Variants in DYNC1I1 observed in about 807,000 individuals in gnomAD.
DYNC1I1 encodes cytoplasmic dynein 1 intermediate chain 1.
DYNC1I1 carries 43 observed loss-of-function variants against 86.6 expected under a neutral mutation model. That is an observed-to-expected ratio of 0.50 (90% CI 0.39 to 0.64). The LOEUF is 0.64. Ranked by LOEUF, DYNC1I1 falls within the 30% of genes least tolerant of loss-of-function variation. The pLI is 0.00. For missense variants in DYNC1I1, 604 were observed against 788.8 expected, an observed-to-expected ratio of 0.77 and a Z score of 2.81; for synonymous variants, 262 against 283.7, an observed-to-expected ratio of 0.92 and a Z score of 0.77.
intron 4 of DYNC1I1, among the ~76,000 whole-genome samples, chr7:95,813,622 G>A (rs955132531): frequency 6.6e-6 from 1 of 152,086 alleles, no homozygotes; most frequent in Non-Finnish European, 1.5e-5. Context: ...CTTAAAAAAG[G>A]CAGGGAGAAG....
At chr7:95,951,458 GTT>G (rs569806415) in intron 6 of DYNC1I1, among the ~76,000 whole-genome samples, 22 of 152,174 alleles carry the variant, frequency 1.4e-4, no homozygotes, top group African/African-American at 5.1e-4. Flanking sequence ...GCTTTTGAAT[GTT>G]TTTTGGGACC....
intron 16 of DYNC1I1, among the ~76,000 whole-genome samples, chr7:96,107,724 G>A (rs972164073): frequency 6.6e-6 from 1 of 151,738 alleles, no homozygotes; most frequent in Non-Finnish European, 1.5e-5. Context: ...TAGAGACAGG[G>A]TTTCACCATG....
intron 7 of DYNC1I1, among the ~76,000 whole-genome samples, 183 bp from the exon 8 acceptor site, chr7:95,984,632 C>T (rs1793537978): frequency 6.6e-6 from 1 of 152,064 alleles, no homozygotes; most frequent in Admixed American, 6.6e-5. Flanking sequence ...GGGACATCTG[C>T]AGAAGCCTTT....
chr7:95,883,848 G>A (rs990228716), intron 6 of DYNC1I1, among the ~76,000 whole-genome samples: 11 of 151,712 alleles, frequency 7.3e-5, no homozygotes, highest in Non-Finnish European at 1.2e-4. Context: ...TCTCCCCTAA[G>A]GAATAAGAAT....
At chr7:96,039,234 T>C (rs769193885) in intron 13 of DYNC1I1, 43 bp from the exon 14 acceptor site, 28 of 1,576,288 alleles carry the variant, frequency 1.8e-5, no homozygotes, top group Non-Finnish European at 2.4e-5. Flanking sequence ...TCATTGCTTT[T>C]CAGAGGTCAC....
intron 1 of DYNC1I1, among the ~76,000 whole-genome samples, chr7:95,778,435 G>A (rs938977430): frequency 4.6e-5 from 7 of 152,154 alleles, no homozygotes; most frequent in Non-Finnish European, 8.8e-5. Flanking sequence ...GTGTGTTATG[G>A]GTCAGTGTGG....
At chr7:96,103,590 T>C (rs1791168311) in intron 16 of DYNC1I1, among the ~76,000 whole-genome samples, 1 of 152,082 alleles carries the variant, frequency 6.6e-6, no homozygotes, top group Non-Finnish European at 1.5e-5. Flanking sequence ...AAAATCCTTA[T>C]AGTGGCCCAC....
chr7:95,866,296 C>T (rs921839749), intron 5 of DYNC1I1, among the ~76,000 whole-genome samples: 2 of 152,172 alleles, frequency 1.3e-5, no homozygotes, highest in Admixed American at 6.5e-5. Flanking sequence ...CTCAATAATT[C>T]TTTCTCATGC....
intron 6 of DYNC1I1, among the ~76,000 whole-genome samples, chr7:95,971,384 A>C (rs1454665901): frequency 6.6e-6 from 1 of 152,256 alleles, no homozygotes; most frequent in Non-Finnish European, 1.5e-5. Flanking sequence ...TTCTATTAAA[A>C]ATTTAAAAAT....
intron 6 of DYNC1I1, among the ~76,000 whole-genome samples, chr7:95,898,732 G>A (rs552728349): frequency 6.6e-6 from 1 of 152,166 alleles, no homozygotes; most frequent in African/African-American, 2.4e-5. Context: ...CTTTTTGATT[G>A]TGAGTTCATC....
intron 3 of DYNC1I1, among the ~76,000 whole-genome samples, chr7:95,811,810 T>G (rs539326134): frequency 6.6e-6 from 1 of 152,282 alleles, no homozygotes; most frequent in South Asian, 2.1e-4. Flanking sequence ...TGACATCTGA[T>G]ATGAGTTAGA....
chr7:96,079,777 AAG>A (rs746132415), intron 15 of DYNC1I1, among the ~76,000 whole-genome samples: 8 of 151,634 alleles, frequency 5.3e-5, no homozygotes, highest in Non-Finnish European at 7.4e-5. Context: ...AAGAGAGAGA[AAG>A]AGAGAGAGAG....
chr7:96,100,941 G>A (rs1398728706), downstream of DYNC1I1, among the ~76,000 whole-genome samples: 3 of 152,172 alleles, frequency 2.0e-5, no homozygotes, highest in Non-Finnish European at 4.4e-5. Flanking sequence ...AAAGCCATTT[G>A]CAATGAGCTG....
chr7:95,905,215 T>C (rs1791143186), intron 6 of DYNC1I1, among the ~76,000 whole-genome samples: 1 of 141,652 alleles, frequency 7.1e-6, no homozygotes, highest in South Asian at 2.2e-4. Context: ...ACAGACAAGG[T>C]GCATTTTGGC....
chr7:95,879,124 G>T (rs1790384941), intron 6 of DYNC1I1, among the ~76,000 whole-genome samples: 2 of 152,114 alleles, frequency 1.3e-5, no homozygotes. Flanking sequence ...ACTGACCCCA[G>T]AGAGTAATTC....
At chr7:95,968,266 C>T (rs975388448) in intron 6 of DYNC1I1, among the ~76,000 whole-genome samples, 1 of 151,148 alleles carries the variant, frequency 6.6e-6, no homozygotes, top group Non-Finnish European at 1.5e-5. Context: ...ATAGAATTAA[C>T]AATATTTGAT....
At chr7:95,788,186 A>G (rs1794199237) in intron 1 of DYNC1I1, among the ~76,000 whole-genome samples, 1 of 152,158 alleles carries the variant, frequency 6.6e-6, no homozygotes, top group African/African-American at 2.4e-5. Flanking sequence ...GCTGTGTGGG[A>G]ATGGGCTGCA....
intron 6 of DYNC1I1, among the ~76,000 whole-genome samples, chr7:95,921,670 G>A (rs1394633829): frequency 6.6e-6 from 1 of 152,106 alleles, no homozygotes; most frequent in African/African-American, 2.4e-5. Flanking sequence ...GGAGTCAAAT[G>A]TGCACCACAT....
At chr7:95,852,670 C>A (rs1337454674) in intron 5 of DYNC1I1, among the ~76,000 whole-genome samples, 2 of 152,062 alleles carry the variant, frequency 1.3e-5, no homozygotes, top group Non-Finnish European at 2.9e-5. Flanking sequence ...CCACACCCAG[C>A]TGATTTTTGT....
Sources: gnomAD v4.1 joint callset for allele counts (sites outside exome capture counted in the v4.1 genomes callset) on GRCh38, gnomAD v4.1.1 for gene constraint, MANE v1.5 for transcripts, NCBI Gene and HGNC (gene_info 2026-07-23, HGNC 2026-07-21) for gene names.